Variants in SLITRK5 observed in about 807,000 individuals in gnomAD.
The protein encoded by SLITRK5 is SLIT and NTRK like family member 5, also known as SLIT and NTRK-like protein 5.
Under a neutral mutation model 56.2 loss-of-function variants are expected in SLITRK5, and 23 were observed. That is an observed-to-expected ratio of 0.41 (90% CI 0.29 to 0.58). The LOEUF is 0.58. Ranked by LOEUF, SLITRK5 falls within the 20% of genes least tolerant of loss-of-function variation. SLITRK5 has a pLI of 0.30. For synonymous variants in SLITRK5, 637 were observed against 531.8 expected (o/e 1.20, Z -2.72); for missense variants, 1,289 against 1,226.6 (o/e 1.05, Z -0.76).
rs1877052137 is a variant in SLITRK5, at chr13:87,672,012, T to C, written c.-206T>C. Among the ~76,000 whole-genome samples the C allele has an allele frequency of 6.6e-6, 1 of 151,910 alleles. No homozygotes were observed. The highest frequency in any genetic ancestry group is 2.4e-5 in the African/African-American group (1 of 41,380). ...ATGCATGCACACCCCCGCGACCCGCTCCCTCTGGCTCGTCCCCCGGCGTGC... is the reference window on the plus strand; with the variant it reads ...ATGCATGCACACCCCCGCGACCCGCCCCCTCTGGCTCGTCCCCCGGCGTGC... On this transcript the variant is annotated 5_prime_UTR_variant, in exon 1 of 2. Coordinates refer to ENST00000683689, the MANE Select transcript of SLITRK5 (RefSeq NM_001384609.1).
chr13:87,675,521 G>C lies in SLITRK5; in HGVS notation c.133G>C (p.Gly45Arg). ...LSCAETIDYY[G>R]EICDNACPCE... ...GTGTGCAGAAACCATCGATTATTAT[G>C]GGGAAATCTGTGACAATGCATGTCC... Residue 45 changes from glycine to arginine, a missense_variant, in exon 2 of 2, where the codon GGG becomes CGG. By Grantham distance (125) the Gly-to-Arg change is moderately radical (BLOSUM62 -2). Around this residue, in one of 3 missense-constraint regions of SLITRK5, gnomAD observed 291 missense variants for 286.7 expected, o/e 1.02. Coordinates refer to ENST00000683689, the MANE Select transcript of SLITRK5 (RefSeq NM_001384609.1). 1 of 1,614,146 alleles carries C rather than the reference G, an allele frequency of 6.2e-7. No homozygotes were observed. Among genetic ancestry groups the C allele is most frequent in the Non-Finnish European group, 8.5e-7 (1 of 1,180,032 alleles).
rs111721826 is a variant in SLITRK5 at position 87,678,148 on chromosome 13, G to A, written c.2760G>A (p.Pro920=). 1.1e-4 allele frequency: 178 copies of A among 1,614,232 alleles called. 1 individual carries two copies. In the African/African-American group the frequency reaches 2.1e-3, roughly 19 times the overall value. The part of the protein sequence containing the change: ...RLREPVLYSP[P]SAVFVEPNRN... ...GGGAACCGGTGCTCTACAGCCCCCCGAGTGCTGTCTTTGTAGAACCCAACC... is the reference window on the plus strand; with the variant it reads ...GGGAACCGGTGCTCTACAGCCCCCCAAGTGCTGTCTTTGTAGAACCCAACC... Residue 920 remains proline (P), a synonymous_variant, in exon 2 of 2, where the codon CCG becomes CCA. Coordinates refer to ENST00000683689, the MANE Select transcript of SLITRK5 (RefSeq NM_001384609.1).
Position 87,678,366 on chromosome 13 carries a change from G to A in SLITRK5, c.*101G>A. 1.7e-6 allele frequency: 2 copies of A among 1,166,718 alleles called. No homozygotes were observed. The highest frequency in any genetic ancestry group is 2.4e-6 in the Non-Finnish European group (2 of 820,064). 72.3% of individuals were successfully genotyped at this position (1,166,718 alleles called of 1,614,324 possible). A position where few individuals can be genotyped will look rare whatever the true frequency, so the allele number is the denominator to read the frequency against. Reference sequence around the variant, plus strand: ...TTAATTGTGTTGTTTCAACGTTTAGGGTGAAGTGCCTTGGCACGGGATTTC... The same window carrying A: ...TTAATTGTGTTGTTTCAACGTTTAGAGTGAAGTGCCTTGGCACGGGATTTC... On this transcript the variant is annotated 3_prime_UTR_variant, in exon 2 of 2. Coordinates refer to ENST00000683689, the MANE Select transcript of SLITRK5 (RefSeq NM_001384609.1).
chr13:87,678,130 G>C lies in SLITRK5; in HGVS notation c.2742G>C (p.Pro914=), dbSNP rs778686141. The C allele has an allele frequency of 8.5e-5, 137 of 1,614,092 alleles. No individual in the cohort carries two copies. Among genetic ancestry groups the C allele is most frequent in the Non-Finnish European group, 1.1e-4 (134 of 1,180,054 alleles). Residue 914 remains proline, a synonymous_variant, in exon 2 of 2, where the codon CCG becomes CCC. Coordinates refer to ENST00000683689, the MANE Select transcript of SLITRK5 (RefSeq NM_001384609.1). ...PGAGDSRLRE[P]VLYSPPSAVF... The stretch of plus-strand genomic sequence containing the variant: ...CAGGGGACAGCAGGCTACGGGAACC[G>C]GTGCTCTACAGCCCCCCGAGTGCTG...
At position 87,678,422 on chromosome 13, in the gene SLITRK5, T is replaced by C; in HGVS notation, c.*157T>C. ...TTCGGTGGAAGATACGAAAAGGGTG[T>C]GCAATTTCCTTTAAAATTTACACGT... On this transcript the variant is annotated 3_prime_UTR_variant, in exon 2 of 2. Coordinates refer to ENST00000683689, the MANE Select transcript of SLITRK5 (RefSeq NM_001384609.1). 1 of 689,432 alleles carries C rather than the reference T, an allele frequency of 1.5e-6. No homozygotes were observed. The highest frequency in any genetic ancestry group is 2.1e-5 in the South Asian group (1 of 48,194). 42.7% of individuals were successfully genotyped at this position (689,432 alleles called of 1,614,324 possible).
At position 87,671,796 on chromosome 13, in the gene SLITRK5, G is replaced by C. The variant is rs1327020677; in HGVS notation, c.-422G>C. Among the ~76,000 whole-genome samples, 1 of 152,096 alleles carries C rather than the reference G, an allele frequency of 6.6e-6. No individual in the cohort carries two copies. Among genetic ancestry groups the C allele is most frequent in the Non-Finnish European group, 1.5e-5 (1 of 68,002 alleles). ...CTCTCAAATACTAATTAGGGGCCGC[G>C]GCGGCGGCGGGCTCGGCGCGGAGAC... On this transcript the variant is annotated 5_prime_UTR_variant, in exon 1 of 2. Transcript: ENST00000683689.
intron 1 of SLITRK5, chr13:87,672,971 C>A (rs1046692609): frequency 4.6e-5 from 7 of 150,568 alleles, no homozygotes; most frequent in South Asian, 1.9e-4. Context: ...TTTTCCCTTC[C>A]TTCTCTTTGG....
intron 1 of SLITRK5, chr13:87,674,428 T>C: frequency 3.0e-6 from 3 of 984,806 alleles, no homozygotes; most frequent in Non-Finnish European, 3.6e-6. Context: ...TTCGTGCTGA[T>C]CCTTGGTGTA....
chr13:87,673,219 A>G (rs1171258174), intron 1 of SLITRK5, among the ~76,000 whole-genome samples: 6 of 150,146 alleles, frequency 4.0e-5, no homozygotes, highest in African/African-American at 1.2e-4. Flanking sequence ...AAAATCTGAG[A>G]ATCTGAGAAT....
Position 87,677,315 on chromosome 13 carries a change from T to C in SLITRK5, c.1927T>C (p.Leu643=), listed in dbSNP as rs151276880. Residue 643 remains leucine (L), a synonymous_variant, in exon 2 of 2, where the codon TTG becomes CTG. Coordinates refer to ENST00000683689, the MANE Select transcript of SLITRK5 (RefSeq NM_001384609.1). The surrounding 1 kb of genome is among the most constrained non-coding windows in gnomAD (Gnocchi z 4.7). The part of the protein sequence containing the change: ...RTSAVTPAVR[L]NSTGAPASLG... Reference sequence around the variant, plus strand: ...CAGCGCCGTGACTCCTGCGGTCCGGTTGAATAGCACCGGGGCCCCCGCGAG... The same window carrying C: ...CAGCGCCGTGACTCCTGCGGTCCGGCTGAATAGCACCGGGGCCCCCGCGAG... The C allele has an allele frequency of 6.2e-5, 100 of 1,614,130 alleles. No individual in the cohort carries two copies. The highest frequency in any genetic ancestry group is 6.0e-4 in the South Asian group (55 of 91,088).
rs1043998540 is a variant in SLITRK5 at position 87,675,825 on chromosome 13, A to C, written c.437A>C (p.Asp146Ala). The C allele has an allele frequency of 5.0e-6, 8 of 1,614,030 alleles. No homozygotes were observed. Among genetic ancestry groups the C allele is most frequent in the Admixed American group, 3.3e-5 (2 of 60,000 alleles). ...AATAATAAACTGGAACTTCTGCGAGATGATACCTTCCTTGGCTTGGAGAAC... is the reference window on the plus strand; with the variant it reads ...AATAATAAACTGGAACTTCTGCGAGCTGATACCTTCCTTGGCTTGGAGAAC... ...LNNNKLELLR[D>A]DTFLGLENLE... The change falls in exon 2 of 2, where the codon GAT (aspartate) becomes GCT (alanine). Residue 146 changes from aspartate (D) to alanine (A), a missense_variant. Asp to Ala is a moderately radical substitution (Grantham distance 126). Around this residue, in one of 3 missense-constraint regions of SLITRK5, gnomAD observed 291 missense variants for 286.7 expected, o/e 1.02. Coordinates refer to ENST00000683689, the MANE Select transcript of SLITRK5 (RefSeq NM_001384609.1).
In SLITRK5 at chr13:87,675,868, C is replaced by T. The variant is rs191310383; in HGVS notation, c.480C>T (p.Val160=). The change falls in exon 2 of 2, where the codon GTC becomes GTT. Residue 160 remains valine (V), a synonymous_variant. Coordinates refer to ENST00000683689, the MANE Select transcript of SLITRK5 (RefSeq NM_001384609.1). ...LGLENLEYLQ[V]DYNYISVIEP... is the part of the protein sequence containing the mutation. The stretch of plus-strand genomic sequence containing the variant: ...TGGAGAACCTGGAGTACCTACAGGT[C>T]GATTACAACTACATCAGCGTCATTG... The T allele has an allele frequency of 5.6e-5, 91 of 1,613,986 alleles. No individual in the cohort carries two copies. Among genetic ancestry groups the T allele is most frequent in the Non-Finnish European group, 6.8e-5 (80 of 1,179,962 alleles).
chr13:87,678,196 A>C lies in SLITRK5; in HGVS notation c.2808A>C (p.Lys936Asn). Residue 936 changes from lysine to asparagine, a missense_variant, in exon 2 of 2, where the codon AAA becomes AAC. Lys to Asn is a moderately conservative substitution (Grantham distance 94, BLOSUM62 0). This residue lies in a region of SLITRK5 where 985 missense variants were observed against 906.0 expected (regional missense o/e 1.09). Coordinates refer to ENST00000683689, the MANE Select transcript of SLITRK5 (RefSeq NM_001384609.1). ...ACCGGAACGAATATCTGGAGTTAAA[A>C]GCAAAACTAAACGTTGAGCCGGACT... ...EPNRNEYLEL[K>N]AKLNVEPDYL... is the part of the protein sequence containing the mutation. 1 of 1,614,262 alleles carries C rather than the reference A, an allele frequency of 6.2e-7. No individual in the cohort carries two copies. The highest frequency in any genetic ancestry group is 8.5e-7 in the Non-Finnish European group (1 of 1,180,048).
At position 87,677,254 on chromosome 13, in the gene SLITRK5, G is replaced by C. The variant is rs775241600; in HGVS notation, c.1866G>C (p.Thr622=). ...CPDYSDVVVS[T]PTPSSIQVPA... is the part of the protein sequence containing the mutation. ...ACTATTCAGATGTAGTAGTTTCCAC[G>C]CCCACACCCTCCTCTATCCAGGTCC... The change falls in exon 2 of 2, where the codon ACG becomes ACC. Residue 622 remains threonine (T), a synonymous_variant. Coordinates refer to ENST00000683689, the MANE Select transcript of SLITRK5 (RefSeq NM_001384609.1). The surrounding 1 kb of genome is among the most constrained non-coding windows in gnomAD (Gnocchi z 4.7). The C allele has an allele frequency of 1.2e-6, 2 of 1,614,166 alleles. No homozygotes were observed. The highest frequency in any genetic ancestry group is 1.7e-5 in the Admixed American group (1 of 60,018).
At position 87,677,923 on chromosome 13, in the gene SLITRK5, G is replaced by A; in HGVS notation, c.2535G>A (p.Leu845=). The part of the protein sequence containing the change: ...VSTIEPREDL[L]SPVQDADRFY... ...CCATCGAGCCCCGGGAGGACCTGCT[G>A]TCGCCGGTGCAGGACGCCGACCGCT... is the stretch of plus-strand genomic sequence containing the variant. Residue 845 remains leucine, a synonymous_variant, in exon 2 of 2, where the codon CTG becomes CTA. Transcript: ENST00000683689. The surrounding 1 kb of genome is among the most constrained non-coding windows in gnomAD (Gnocchi z 4.7). 2 of 1,613,788 alleles carry A rather than the reference G, an allele frequency of 1.2e-6. No homozygotes were observed. The highest frequency in any genetic ancestry group is 1.7e-6 in the Non-Finnish European group (2 of 1,179,842).
Position 87,678,528 on chromosome 13 carries a change from C to G in SLITRK5, c.*263C>G, listed in dbSNP as rs1185154988. On this transcript the variant is annotated 3_prime_UTR_variant, in exon 2 of 2. Coordinates refer to ENST00000683689, the MANE Select transcript of SLITRK5 (RefSeq NM_001384609.1). ...GTGTGGAGAAGGGCTTTAAGGAGGCCAATTTGCTGCGCGGGTGACCTGTGA... is the reference window on the plus strand; with the variant it reads ...GTGTGGAGAAGGGCTTTAAGGAGGCGAATTTGCTGCGCGGGTGACCTGTGA... 1 of 453,508 alleles carries G rather than the reference C, an allele frequency of 2.2e-6. No homozygotes were observed. The highest frequency in any genetic ancestry group is 4.7e-5 in the South Asian group (1 of 21,322). The allele number at this position is 453,508 out of a possible 1,614,324, so 28.1% of individuals were successfully genotyped here.
rs1877288616 is a variant in SLITRK5 at position 87,676,651 on chromosome 13, C to G, written c.1263C>G (p.Ile421Met). ...PKKMYLTENY[I>M]AVVRRTDFLE... ...AAATGTATCTGACAGAGAACTACAT[C>G]GCTGTCGTGCGCAGGACAGACTTCC... Residue 421 changes from isoleucine to methionine, a missense_variant, in exon 2 of 2, where the codon ATC becomes ATG. This residue lies in a region of SLITRK5 where 985 missense variants were observed against 906.0 expected (regional missense o/e 1.09). Coordinates refer to ENST00000683689, the MANE Select transcript of SLITRK5 (RefSeq NM_001384609.1). 1.9e-6 allele frequency: 3 copies of G among 1,613,866 alleles called. No individual in the cohort carries two copies. Among genetic ancestry groups the G allele is most frequent in the Non-Finnish European group, 2.5e-6 (3 of 1,180,044 alleles).
intron 1 of SLITRK5, among the ~76,000 whole-genome samples, chr13:87,674,143 A>G (rs1017066970): frequency 1.1e-4 from 17 of 152,034 alleles, no homozygotes; most frequent in African/African-American, 3.9e-4. Context: ...AAGAAAAAAA[A>G]GGGGGAGGGG....
chr13:87,677,221 G>C lies in SLITRK5; in HGVS notation c.1833G>C (p.Leu611=). ...TDMRSIKSEL[L]CPDYSDVVVS... ...TGCGCTCCATTAAGTCGGAGCTGCT[G>C]TGCCCTGACTATTCAGATGTAGTAG... is the stretch of plus-strand genomic sequence containing the variant. Residue 611 remains leucine, a synonymous_variant, in exon 2 of 2, where the codon CTG becomes CTC. Coordinates refer to ENST00000683689, the MANE Select transcript of SLITRK5 (RefSeq NM_001384609.1). This position sits in a 1 kb window ranked among gnomAD's most constrained non-coding sequence, Gnocchi z 4.7. The C allele has an allele frequency of 1.2e-6, 2 of 1,614,190 alleles. No homozygotes were observed. Among genetic ancestry groups the C allele is most frequent in the East Asian group, 4.5e-5 (2 of 44,858 alleles).
Sources: allele counts gnomAD v4.1 joint callset (sites outside exome capture counted in the v4.1 genomes callset), GRCh38; gene constraint gnomAD v4.1.1; regional missense constraint gnomAD v4.1.1; non-coding constraint Gnocchi (gnomAD v3.1); transcripts MANE v1.5; gene names NCBI Gene and HGNC (gene_info 2026-07-23, HGNC 2026-07-21).